The following FGF12 variants were observed in gnomAD, a reference collection of about 807,000 sequenced individuals.
FGF12 encodes fibroblast growth factor 12B.
A neutral mutation model predicts 23.6 loss-of-function variants in FGF12; 14 were observed. The observed-to-expected ratio is 0.59, with a 90% CI of 0.39 to 0.93. The LOEUF is 0.93. Among genes scored for constraint, FGF12 ranks in the 40% least tolerant of loss-of-function variants. The pLI, the probability that FGF12 is intolerant of heterozygous loss-of-function variation, is 0.00. For synonymous variants in FGF12, 62 were observed against 77.3 expected, an observed-to-expected ratio of 0.80 and a Z score of 1.04; for missense variants, 175 against 217.8, an observed-to-expected ratio of 0.80 and a Z score of 1.24.
At chr3:192,216,085 T>A (rs1323259883) in intron 4 of FGF12, among the ~76,000 whole-genome samples, 1 of 152,212 alleles carries the variant, frequency 6.6e-6, no homozygotes, top group African/African-American at 2.4e-5. Flanking sequence ...ACAGTAAATT[T>A]AGGAAAATTT....
At chr3:192,211,268 T>C (rs1205757092) in intron 4 of FGF12, among the ~76,000 whole-genome samples, 1 of 152,266 alleles carries the variant, frequency 6.6e-6, no homozygotes, top group Non-Finnish European at 1.5e-5. Context: ...TCCAGGATGC[T>C]TTTGAGAGTT....
At chr3:192,490,951 A>G (rs949635105) in intron 2 of FGF12, among the ~76,000 whole-genome samples, 2 of 152,146 alleles carry the variant, frequency 1.3e-5, no homozygotes, top group Non-Finnish European at 1.5e-5. Flanking sequence ...AATCTACGTC[A>G]TAGTCACATG....
At chr3:192,646,809 C>G (rs375546393) in intron 2 of FGF12, among the ~76,000 whole-genome samples, 1 of 151,982 alleles carries the variant, frequency 6.6e-6, no homozygotes, top group Non-Finnish European at 1.5e-5. Context: ...CACAACTCTA[C>G]GAATATACTG....
At chr3:192,558,969 T>C (rs1044951154) in intron 2 of FGF12, among the ~76,000 whole-genome samples, 1 of 151,968 alleles carries the variant, frequency 6.6e-6, no homozygotes, top group Non-Finnish European at 1.5e-5. Flanking sequence ...ATTAAAGACT[T>C]AAATGCAAGA....
chr3:192,406,439 T>C (rs1720961623), intron 2 of FGF12, among the ~76,000 whole-genome samples: 1 of 152,116 alleles, frequency 6.6e-6, no homozygotes, highest in East Asian at 1.9e-4. Context: ...AAGTCCTCTG[T>C]AGACCACATA....
intron 2 of FGF12, among the ~76,000 whole-genome samples, chr3:192,559,691 TTG>T (rs1447796944): frequency 2.6e-5 from 4 of 151,962 alleles, no homozygotes; most frequent in Non-Finnish European, 5.9e-5. Context: ...TGTCAATAGA[TTG>T]CAACAAAAGT....
chr3:192,255,141 C>A (rs1227645102), intron 4 of FGF12, among the ~76,000 whole-genome samples: 1 of 151,978 alleles, frequency 6.6e-6, no homozygotes, highest in East Asian at 1.9e-4. Context: ...TGTGAATTAA[C>A]AGCACAGCTC....
Position 192,533,993 on chromosome 3 carries a change from GTT to G in FGF12, c.14-173457_14-173456del, listed in dbSNP as rs71896275. The G allele has an allele frequency of 6.6e-3, 965 of 145,766 alleles. 16 individuals are homozygous for G. Among genetic ancestry groups the G allele is most frequent in the African/African-American group, 0.022 (867 of 39,838 alleles). The allele number at this position is 145,766 out of a possible 1,614,324, so 9.0% of individuals were successfully genotyped here. A position where few individuals can be genotyped will look rare whatever the true frequency, so the allele number is the denominator to read the frequency against. On this transcript the variant is annotated intron_variant, in intron 2 of 5. Coordinates refer to ENST00000445105, the MANE Select transcript of FGF12 (RefSeq NM_004113.6). ...ATGTGAATTTTTATAAGATGACAGG[GTT>G]TTTTTTTTTTTCATATCAGATGGGT... is the stretch of plus-strand genomic sequence containing the variant.
intron 2 of FGF12, among the ~76,000 whole-genome samples, chr3:192,681,237 A>G (rs1717514793): frequency 6.6e-6 from 1 of 152,198 alleles, no homozygotes; most frequent in Non-Finnish European, 1.5e-5. Context: ...CCAAAGGGAT[A>G]TAACAATGTA....
At chr3:192,621,914 T>C (rs906352360) in intron 2 of FGF12, among the ~76,000 whole-genome samples, 44 of 152,104 alleles carry the variant, frequency 2.9e-4, no homozygotes, top group African/African-American at 1.1e-3. Flanking sequence ...ATATTTACCC[T>C]GTGACGAGAA....
intron 4 of FGF12, among the ~76,000 whole-genome samples, chr3:192,304,430 C>G (rs1202109041): frequency 6.6e-6 from 1 of 152,096 alleles, no homozygotes; most frequent in Non-Finnish European, 1.5e-5. Context: ...TAAGCAAGTG[C>G]TACCAAGCTT....
intron 2 of FGF12, among the ~76,000 whole-genome samples, chr3:192,378,048 T>TCTCTCTCTC (rs1560091712): frequency 7.9e-5 from 8 of 101,258 alleles, no homozygotes; most frequent in African/African-American, 4.2e-4. Context: ...CTTTCTTTCT[T>TCTCTCTCTC]TCTTTCTTTC....
At chr3:192,415,315 T>A (rs1721312896) in intron 2 of FGF12, among the ~76,000 whole-genome samples, 1 of 152,146 alleles carries the variant, frequency 6.6e-6, no homozygotes, top group East Asian at 1.9e-4. Flanking sequence ...AGATCCCTAT[T>A]TGAATGTAAT....
At chr3:192,167,682 G>T (rs1252180494) in intron 5 of FGF12, among the ~76,000 whole-genome samples, 2 of 131,430 alleles carry the variant, frequency 1.5e-5, no homozygotes, top group African/African-American at 2.9e-5. Flanking sequence ...GAGGAAACTT[G>T]ATTAACCAAA....
At chr3:192,669,759 T>C (rs1352195126) in intron 2 of FGF12, among the ~76,000 whole-genome samples, 1 of 152,102 alleles carries the variant, frequency 6.6e-6, no homozygotes, top group East Asian at 1.9e-4. Context: ...CTTATGATAA[T>C]GTGTTTTCCA....
intron 2 of FGF12, among the ~76,000 whole-genome samples, chr3:192,621,831 C>T (rs975011420): frequency 3.3e-5 from 5 of 151,966 alleles, no homozygotes; most frequent in African/African-American, 1.2e-4. Flanking sequence ...TGCTCCAATG[C>T]CACTAGTGGA....
intron 3 of FGF12, among the ~76,000 whole-genome samples, chr3:192,341,568 T>C (rs1717689027): frequency 6.6e-6 from 1 of 152,192 alleles, no homozygotes; most frequent in African/African-American, 2.4e-5. Context: ...CTAATTTTCA[T>C]TTCATTATAT....
intron 4 of FGF12, among the ~76,000 whole-genome samples, chr3:192,326,429 C>A (rs1716823157): frequency 6.6e-6 from 1 of 152,182 alleles, no homozygotes; most frequent in Admixed American, 6.5e-5. Context: ...CTTATAGTTA[C>A]CAATAGCGGC....
chr3:192,360,569 A>C lies in FGF12; in HGVS notation c.14-31T>G, dbSNP rs777370042. 6.0e-6 allele frequency: 9 copies of C among 1,503,464 alleles called. No homozygotes were observed. The highest frequency in any genetic ancestry group is 8.3e-6 in the Non-Finnish European group (9 of 1,079,408). 93.1% of individuals were successfully genotyped at this position (1,503,464 alleles called of 1,614,324 possible). On this transcript the variant is annotated intron_variant, in intron 2 of 5. Transcript: ENST00000445105. This position sits in a 1 kb window ranked among gnomAD's most constrained non-coding sequence, Gnocchi z 4.3. ...AAACAAAATAATTATTCAAATTTTT[A>C]TTTGGCTTACACAAATGCACACTTA...
Sources: gnomAD v4.1 joint callset for allele counts (sites outside exome capture counted in the v4.1 genomes callset) on GRCh38, gnomAD v4.1.1 for gene constraint, Gnocchi (gnomAD v3.1) non-coding constraint, MANE v1.5 for transcripts, NCBI Gene and HGNC (gene_info 2026-07-23, HGNC 2026-07-21) for gene names.